TESC: variants seen among roughly 807,000 people sequenced by gnomAD.
The protein encoded by TESC is calcineurin B homologous protein 3.
In TESC, 19 loss-of-function variants were observed where a neutral mutation model predicts 31.0. The ratio of observed to expected loss-of-function variants is 0.61; its 90% CI spans 0.43 to 0.90. The LOEUF (loss-of-function observed/expected upper bound fraction) is 0.90. Ranked by LOEUF, TESC falls within the 40% of genes least tolerant of loss-of-function variation. The probability of loss-of-function intolerance (pLI) is 0.00; values close to 1 mark genes in which losing one functional copy is unlikely to be tolerated. For missense variants in TESC, 248 were observed against 303.8 expected, an observed-to-expected ratio of 0.82 and a Z score of 1.36; for synonymous variants, 109 against 114.8, an observed-to-expected ratio of 0.95 and a Z score of 0.32.
In TESC at chr12:117,046,112, A is replaced by G. The variant is rs184618577; in HGVS notation, c.519+447T>C. Among the ~76,000 whole-genome samples the G allele has an allele frequency of 5.1e-3, 782 of 152,276 alleles. 8 individuals carry two copies. Among genetic ancestry groups the G allele is most frequent in the African/African-American group, 0.018 (752 of 41,552 alleles). On this transcript the variant is annotated intron_variant, in intron 6 of 7. Coordinates refer to ENST00000335209, the MANE Select transcript of TESC (RefSeq NM_017899.4). ...CGGCTCCTCCACCGGACTCCATGCCATCGGCTCTTGTCAGCCCCCAATAGG... is the reference window on the plus strand; with the variant it reads ...CGGCTCCTCCACCGGACTCCATGCCGTCGGCTCTTGTCAGCCCCCAATAGG...
At chr12:117,056,276 T>TA in intron 3 of TESC, among the ~76,000 whole-genome samples, 1 of 151,964 alleles carries the variant, frequency 6.6e-6, no homozygotes, top group African/African-American at 2.4e-5. Flanking sequence ...AGGCTGGTCT[T>TA]GAACTCCTGA....
rs551157068 is a variant in TESC at position 117,040,854 on chromosome 12, G to A, written c.567+1093C>T. On this transcript the variant is annotated intron_variant, in intron 7 of 7. Transcript: ENST00000335209. ...CGGCTCCATGGGGCTGTGACCCTGA[G>A]GGCCCAGTCCCCCAGTCCTGCTCTA... Among the ~76,000 whole-genome samples, 222 of 152,326 alleles carry A rather than the reference G, an allele frequency of 1.5e-3. 1 individual carries two copies. The highest frequency in any genetic ancestry group is 0.013 in the South Asian group (63 of 4,828).
At chr12:117,063,214 G>A (rs898833739) in intron 2 of TESC, among the ~76,000 whole-genome samples, 3 of 152,166 alleles carry the variant, frequency 2.0e-5, no homozygotes, top group Non-Finnish European at 2.9e-5. Context: ...GAGTTGGCGC[G>A]GGACTCCAGC....
intron 3 of TESC, among the ~76,000 whole-genome samples, chr12:117,050,121 A>G (rs1432425112): frequency 2.0e-5 from 3 of 151,506 alleles, no homozygotes; most frequent in Non-Finnish European, 4.4e-5. Flanking sequence ...ATTTTTAAAT[A>G]GTTGAAAAAA....
rs1408826705 is a variant in TESC at position 117,046,647 on chromosome 12, G to T, written c.431C>A (p.Ser144Ter). Residue 144 changes from serine to a stop codon, truncating the protein, a stop_gained, in exon 6 of 8, where the codon TCG (serine) becomes TAG (stop). Coordinates refer to ENST00000335209, the MANE Select transcript of TESC (RefSeq NM_017899.4). LOFTEE classifies it high-confidence loss of function. ...CTCCTTCTCGATGTGAGGGTTTCCCGACAGCAGCTCCTCGACCACCTGCCA... is the reference window on the plus strand; with the variant it reads ...CTCCTTCTCGATGTGAGGGTTTCCCTACAGCAGCTCCTCGACCACCTGCCA... The part of the protein sequence containing the change: ...EYRNVVEELL[S>*]GNPHIEKESA... 2 of 1,552,022 alleles carry T rather than the reference G, an allele frequency of 1.3e-6. No individual in the cohort carries two copies. The highest frequency in any genetic ancestry group is 2.4e-5 in the South Asian group (2 of 84,078).
chr12:117,087,822 G>A (rs1054866685), intron 1 of TESC, among the ~76,000 whole-genome samples: 5 of 152,172 alleles, frequency 3.3e-5, no homozygotes, highest in African/African-American at 1.2e-4. Flanking sequence ...CAGCTTGGGT[G>A]ACAGAGCGAG....
intron 6 of TESC, 55 bp downstream of exon 6, chr12:117,046,504 A>C (rs1376064026): frequency 1.3e-6 from 2 of 1,486,534 alleles, no homozygotes. Flanking sequence ...CCAGAAACGC[A>C]GACCATAAGC....
At chr12:117,059,658 T>A (rs565454731) in intron 2 of TESC, among the ~76,000 whole-genome samples, 1 of 152,318 alleles carries the variant, frequency 6.6e-6, no homozygotes, top group Non-Finnish European at 1.5e-5. Context: ...TGCTCCATAG[T>A]GGATCTCGGC....
intron 1 of TESC, among the ~76,000 whole-genome samples, chr12:117,086,516 C>T (rs1484305833): frequency 1.3e-5 from 2 of 152,188 alleles, no homozygotes; most frequent in Non-Finnish European, 2.9e-5. Context: ...ACAGCAGCCT[C>T]AAACTCCTGG....
chr12:117,054,769 C>CG (rs757082243), intron 3 of TESC, among the ~76,000 whole-genome samples: 9 of 152,176 alleles, frequency 5.9e-5, no homozygotes, highest in Admixed American at 1.3e-4. Context: ...GAAGCCCCCA[C>CG]GGTCTCATCA....
Position 117,097,537 on chromosome 12 carries a change from C to T in TESC, c.58+1688G>A, listed in dbSNP as rs142772568. ...CATCCAGATTCAAAGCAGTGGGAGGCGAGGAGAGGGCACATGAGAAATAAT... is the reference window on the plus strand; with the variant it reads ...CATCCAGATTCAAAGCAGTGGGAGGTGAGGAGAGGGCACATGAGAAATAAT... On this transcript the variant is annotated intron_variant, in intron 1 of 7. Coordinates refer to ENST00000335209, the MANE Select transcript of TESC (RefSeq NM_017899.4). 1.6e-4 allele frequency among the ~76,000 whole-genome samples: 24 copies of T among 152,164 alleles called. No individual in the cohort carries two copies. The East Asian group carries it at 4.6e-3, about 29-fold the overall frequency.
chr12:117,075,869 A>ATATATATATATATATATG (rs1955049402), intron 1 of TESC, among the ~76,000 whole-genome samples: 1 of 31,442 alleles, frequency 3.2e-5, no homozygotes, highest in South Asian at 1.8e-3. Flanking sequence ...ATATATATAT[A>ATATATATATATATATATG]TGTGTGTATA....
At chr12:117,064,972 A>T (rs761920650) in intron 2 of TESC, among the ~76,000 whole-genome samples, 9 of 152,260 alleles carry the variant, frequency 5.9e-5, no homozygotes, top group Non-Finnish European at 1.3e-4. Flanking sequence ...AAGAAGAAGG[A>T]ACAGCATGAG....
At chr12:117,044,840 T>A (rs1444520417) in intron 6 of TESC, among the ~76,000 whole-genome samples, 1 of 151,676 alleles carries the variant, frequency 6.6e-6, no homozygotes, top group Non-Finnish European at 1.5e-5. Context: ...GAGGTTGCAG[T>A]GAGCCGAGAT....
At chr12:117,091,941 G>A (rs559531297) in intron 1 of TESC, among the ~76,000 whole-genome samples, 1 of 152,116 alleles carries the variant, frequency 6.6e-6, no homozygotes, top group African/African-American at 2.4e-5. Flanking sequence ...TGGGGTTCTC[G>A]GCATGCGGGA....
At chr12:117,048,870 C>T in intron 4 of TESC, 149 bp downstream of exon 4, 1 of 1,252,498 alleles carries the variant, frequency 8.0e-7, no homozygotes, top group Non-Finnish European at 1.1e-6. Flanking sequence ...GCCAGCCTCA[C>T]AGGGACGAGG....
At chr12:117,069,872 T>C (rs1483517223) in intron 2 of TESC, among the ~76,000 whole-genome samples, 3 of 152,216 alleles carry the variant, frequency 2.0e-5, no homozygotes, top group Non-Finnish European at 2.9e-5. Flanking sequence ...TTCTGAATGA[T>C]CATTTTTAAG....
rs192800362 is a variant in TESC, at chr12:117,080,182, C to G, written c.59-4842G>C. Among the ~76,000 whole-genome samples, 39 of 152,172 alleles carry G rather than the reference C, an allele frequency of 2.6e-4. 1 individual carries two copies. The highest frequency in any genetic ancestry group is 9.2e-4 in the African/African-American group (38 of 41,514). On this transcript the variant is annotated intron_variant, in intron 1 of 7. Coordinates refer to ENST00000335209, the MANE Select transcript of TESC (RefSeq NM_017899.4). ...TCCAGTTAACAGTATCCAAAGTGCACGCAAGGCTGGGTGCGGTGGCTCACA... is the reference window on the plus strand; with the variant it reads ...TCCAGTTAACAGTATCCAAAGTGCAGGCAAGGCTGGGTGCGGTGGCTCACA...
chr12:117,040,301 C>T (rs946133863), intron 7 of TESC, among the ~76,000 whole-genome samples: 1 of 152,166 alleles, frequency 6.6e-6, no homozygotes, highest in Non-Finnish European at 1.5e-5. Context: ...CGCATGGACA[C>T]TCACGGTGGT....
Sources: gnomAD v4.1 joint callset for allele counts (sites outside exome capture counted in the v4.1 genomes callset) on GRCh38, gnomAD v4.1.1 for gene constraint, MANE v1.5 for transcripts, NCBI Gene and HGNC (gene_info 2026-07-23, HGNC 2026-07-21) for gene names.